Variants in SMAD5 observed in about 807,000 individuals in gnomAD.
The protein encoded by SMAD5 is MAD, mothers against decapentaplegic homolog 5.
Under a neutral mutation model 43.1 loss-of-function variants are expected in SMAD5, and 9 were observed. The ratio of observed to expected loss-of-function variants is 0.21; its 90% CI spans 0.13 to 0.36. The LOEUF is 0.36. SMAD5 is among the 10% of genes least tolerant of loss of function. SMAD5 has a pLI of 1.00. For synonymous variants in SMAD5, 190 were observed against 192.4 expected, an observed-to-expected ratio of 0.99 and a Z score of 0.10; for missense variants, 348 against 574.0, an observed-to-expected ratio of 0.61 and a Z score of 4.02.
chr5:136,139,156 GTGTC>G (rs1422552483), intron 1 of SMAD5, among the ~76,000 whole-genome samples: 1 of 151,634 alleles, frequency 6.6e-6, no homozygotes, highest in Non-Finnish European at 1.5e-5. Context: ...GTGTGTGTGT[GTGTC>G]TTTCTGTATG....
chr5:136,154,191 GAAAAAC>G, intron 3 of SMAD5, 28 bp downstream of exon 3: 2 of 1,415,184 alleles, frequency 1.4e-6, no homozygotes, highest in South Asian at 1.7e-5. Flanking sequence ...GAAGAATTTG[GAAAAAC>G]AAAAACAAAA....
chr5:136,153,824 A>T lies in SMAD5; in HGVS notation c.64A>T (p.Lys22Ter). 1 of 1,613,724 alleles carries T rather than the reference A, an allele frequency of 6.2e-7. No homozygotes were observed. Among genetic ancestry groups the T allele is most frequent in the Non-Finnish European group, 8.5e-7 (1 of 1,179,766 alleles). ...AGCAGTAAAGCGATTGTTGGGCTGG[A>T]AACAAGGTGATGAGGAGGAGAAATG... ...SPAVKRLLGW[K>*]QGDEEEKWAE... Residue 22 changes from lysine (K) to a stop codon, truncating the protein, a stop_gained, in exon 3 of 8, where the codon AAA becomes TAA. Transcript: ENST00000545279. LOFTEE classifies it high-confidence loss of function.
chr5:136,157,391 T>C (rs1052159691), intron 3 of SMAD5, among the ~76,000 whole-genome samples: 2 of 152,278 alleles, frequency 1.3e-5, no homozygotes, highest in African/African-American at 4.8e-5. Flanking sequence ...AGTCTTTCCA[T>C]AGAATTGGTT....
Position 136,171,504 on chromosome 5 carries a change from C to T in SMAD5, c.776-930C>T, listed in dbSNP as rs186989418. 2.2e-4 allele frequency among the ~76,000 whole-genome samples: 33 copies of T among 152,342 alleles called. 1 individual carries two copies. In the Middle Eastern group the frequency reaches 0.017, roughly 79 times the overall value. On this transcript the variant is annotated intron_variant, in intron 5 of 7. Coordinates refer to ENST00000545279, the MANE Select transcript of SMAD5 (RefSeq NM_005903.7). Reference sequence around the variant, plus strand: ...CATCAAACCAAAGAGGTTTATTCTCCAGCCTTAAGGCCTAATGCAATTTGC... The same window carrying T: ...CATCAAACCAAAGAGGTTTATTCTCTAGCCTTAAGGCCTAATGCAATTTGC...
At chr5:136,172,413 C>G (rs752084661) in intron 5 of SMAD5, 21 bp from the exon 6 acceptor site, 4 of 1,429,994 alleles carry the variant, frequency 2.8e-6, no homozygotes, top group South Asian at 2.4e-5. Context: ...TAAACTCTTT[C>G]TGTGTCTGGT....
At chr5:136,142,135 A>C (rs1030661159) in intron 1 of SMAD5, among the ~76,000 whole-genome samples, 9 of 152,198 alleles carry the variant, frequency 5.9e-5, no homozygotes, top group Non-Finnish European at 1.2e-4. Flanking sequence ...GAGTGAAAAC[A>C]GATACAGCTC....
intron 2 of SMAD5, among the ~76,000 whole-genome samples, chr5:136,151,464 A>G (rs768833045): frequency 2.0e-5 from 3 of 152,096 alleles, no homozygotes; most frequent in Non-Finnish European, 2.9e-5. Context: ...ATCAGATGCA[A>G]AGACCTCACA....
At chr5:136,161,152 G>T (rs1161974316) in intron 4 of SMAD5, 45 bp downstream of exon 4, 3 of 1,568,796 alleles carry the variant, frequency 1.9e-6, no homozygotes, top group Non-Finnish European at 2.6e-6. Context: ...AAATTCCTAA[G>T]AATCACAGTT....
At chr5:136,167,304 A>G (rs1464169643) in intron 5 of SMAD5, among the ~76,000 whole-genome samples, 1 of 152,092 alleles carries the variant, frequency 6.6e-6, no homozygotes, top group Non-Finnish European at 1.5e-5. Context: ...TATAAACTTT[A>G]AAATCTGAGC....
chr5:136,149,690 T>C (rs1334274292), intron 2 of SMAD5, among the ~76,000 whole-genome samples: 1 of 151,888 alleles, frequency 6.6e-6, no homozygotes. Flanking sequence ...TTTTCTCCTT[T>C]TGTAATGTAA....
In SMAD5 at chr5:136,154,056, A is replaced by G. The variant is rs1191069127; in HGVS notation, c.296A>G (p.Gln99Arg). The G allele has an allele frequency of 6.2e-7, 1 of 1,604,584 alleles. No individual in the cohort carries two copies. The highest frequency in any genetic ancestry group is 8.5e-7 in the Non-Finnish European group (1 of 1,176,168). The change falls in exon 3 of 8, where the codon CAG becomes CGG. Residue 99 changes from glutamine to arginine, a missense_variant. Transcript: ENST00000545279. ...YCRVWRWPDL[Q>R]SHHELKPLDI... Reference sequence around the variant, plus strand: ...CGTGTTTGGCGCTGGCCGGATTTGCAGAGTCATCATGAGCTAAAGCCGTTG... The same window carrying G: ...CGTGTTTGGCGCTGGCCGGATTTGCGGAGTCATCATGAGCTAAAGCCGTTG...
intron 3 of SMAD5, among the ~76,000 whole-genome samples, chr5:136,154,525 A>G (rs1440668197): frequency 6.6e-6 from 1 of 152,054 alleles, no homozygotes; most frequent in East Asian, 1.9e-4. Flanking sequence ...CCTTCTCTCC[A>G]GCATTATATT....
chr5:136,160,059 G>T (rs1753774637), intron 3 of SMAD5, among the ~76,000 whole-genome samples: 1 of 152,152 alleles, frequency 6.6e-6, no homozygotes, highest in African/African-American at 2.4e-5. Flanking sequence ...GAATGTGATT[G>T]GTCACTTGGG....
rs563075709 is a variant in SMAD5, at chr5:136,175,486, G to T, written c.1254+854G>T. 2.6e-5 allele frequency among the ~76,000 whole-genome samples: 4 copies of T among 152,234 alleles called. No individual in the cohort carries two copies. The South Asian group carries it at 8.3e-4, about 32-fold the overall frequency. On this transcript the variant is annotated intron_variant, in intron 7 of 7. Coordinates refer to ENST00000545279, the MANE Select transcript of SMAD5 (RefSeq NM_005903.7). Reference sequence around the variant, plus strand: ...CCACCAACCTTAATATTAAGGATTTGCAAAGTTCAAAGGAACTTTTCAAGT... The same window carrying T: ...CCACCAACCTTAATATTAAGGATTTTCAAAGTTCAAAGGAACTTTTCAAGT...
chr5:136,139,766 G>A (rs545378526), intron 1 of SMAD5, among the ~76,000 whole-genome samples: 2 of 152,250 alleles, frequency 1.3e-5, no homozygotes, highest in East Asian at 3.9e-4. Context: ...CATGATCTTG[G>A]CTCACTGCTA....
chr5:136,161,131 CA>C (rs11437885), intron 4 of SMAD5, 24 bp downstream of exon 4: 113,660 of 1,240,718 alleles, frequency 0.092, no homozygotes, highest in South Asian at 0.18. Context: ...TTATTGATAC[CA>C]AAAAAAAAAA....
chr5:136,151,916 A>G (rs961577019), intron 2 of SMAD5, among the ~76,000 whole-genome samples: 3 of 152,140 alleles, frequency 2.0e-5, no homozygotes, highest in African/African-American at 7.2e-5. Context: ...CTTGATGTAG[A>G]TGCAACTGAG....
intron 3 of SMAD5, 139 bp downstream of exon 3, chr5:136,154,302 GC>G: frequency 5.1e-6 from 3 of 588,446 alleles, no homozygotes; most frequent in South Asian, 6.8e-5. Flanking sequence ...TCTTGGAAGG[GC>G]TATTGGATTT....
At chr5:136,147,418 A>G (rs1753296008) in intron 1 of SMAD5, 1 of 151,828 alleles carries the variant, frequency 6.6e-6, no homozygotes, top group Admixed American at 6.6e-5. Flanking sequence ...ATATTTAACA[A>G]TTTGAATGTT....
Sources: allele counts gnomAD v4.1 joint callset (sites outside exome capture counted in the v4.1 genomes callset), GRCh38; gene constraint gnomAD v4.1.1; transcripts MANE v1.5; gene names NCBI Gene and HGNC (gene_info 2026-07-23, HGNC 2026-07-21).